CC2D1A: variants seen among roughly 807,000 people sequenced by gnomAD.
CC2D1A encodes coiled-coil and C2 domain containing 1A.
Under a neutral mutation model 123.8 loss-of-function variants are expected in CC2D1A, and 68 were observed. That is an observed-to-expected ratio of 0.55 (90% CI 0.45 to 0.67). The LOEUF (loss-of-function observed/expected upper bound fraction) is 0.67. CC2D1A is among the 30% of genes least tolerant of loss of function. CC2D1A has a pLI of 0.00. For synonymous variants in CC2D1A, 477 were observed against 528.0 expected, an observed-to-expected ratio of 0.90 and a Z score of 1.32; for missense variants, 1,185 against 1,290.3, an observed-to-expected ratio of 0.92 and a Z score of 1.25.
In CC2D1A at chr19:13,930,396, G is replaced by C. The variant is rs1261020037; in HGVS notation, c.*1G>C. On this transcript the variant is annotated 3_prime_UTR_variant, in exon 29 of 29. Transcript: ENST00000318003. This position sits in a 1 kb window ranked among gnomAD's most constrained non-coding sequence, Gnocchi z 6.8. Reference sequence around the variant, plus strand: ...CCAGCTGCAGCGGCTCCGCAGGTGAGGAGCCCATGGGGCGGGCAGCCCCCA... The same window carrying C: ...CCAGCTGCAGCGGCTCCGCAGGTGACGAGCCCATGGGGCGGGCAGCCCCCA... The C allele has an allele frequency of 6.2e-7, 1 of 1,609,684 alleles. No individual in the cohort carries two copies. The highest frequency in any genetic ancestry group is 1.7e-5 in the Admixed American group (1 of 59,480).
At position 13,913,193 on chromosome 19, in the gene CC2D1A, G is replaced by A. The variant is rs752762778; in HGVS notation, c.404G>A (p.Gly135Glu). Residue 135 changes from glycine (G) to glutamate (E), a missense_variant, in exon 5 of 29, where the codon GGG becomes GAG. Physicochemically the swap from Gly to Glu is moderately conservative, Grantham distance 98. Transcript: ENST00000318003. ...CCGAAGCCTGAGGCCCCTCATCCGG[G>A]GCTGGAGACCACCTTGCAGGAGAGG... ...AQPKPEAPHP[G>E]LETTLQERLA... The A allele has an allele frequency of 1.2e-6, 2 of 1,612,952 alleles. No individual in the cohort carries two copies. The highest frequency in any genetic ancestry group is 1.7e-6 in the Non-Finnish European group (2 of 1,179,618).
intron 26 of CC2D1A, 53 bp downstream of exon 26, chr19:13,929,713 G>A (rs1441592318): frequency 1.5e-5 from 18 of 1,212,726 alleles, no homozygotes; most frequent in Non-Finnish European, 1.9e-5. Flanking sequence ...GGATAGGCAT[G>A]GGGGGGGAGG....
At chr19:13,916,605 G>A (rs1244948148) in intron 6 of CC2D1A, among the ~76,000 whole-genome samples, 4 of 152,048 alleles carry the variant, frequency 2.6e-5, no homozygotes, top group Non-Finnish European at 2.9e-5. Flanking sequence ...TTTACGTTTT[G>A]CTCAATTACA....
intron 6 of CC2D1A, 62 bp from the exon 7 acceptor site, chr19:13,918,008 G>A (rs763623146): frequency 2.5e-5 from 39 of 1,557,528 alleles, no homozygotes; most frequent in Middle Eastern, 2.1e-4. Context: ...AATAACAAAT[G>A]GTTTACACGG....
chr19:13,908,450 C>T (rs912437207), intron 1 of CC2D1A, among the ~76,000 whole-genome samples: 6 of 151,696 alleles, frequency 4.0e-5, no homozygotes, highest in South Asian at 2.1e-4. Flanking sequence ...CTGGCCCTGT[C>T]GTCAGGGCTT....
rs2145338261 is a variant in CC2D1A at position 13,920,632 on chromosome 19, A to G, written c.1432A>G (p.Thr478Ala). Residue 478 changes from threonine to alanine, a missense_variant, in exon 13 of 29, where the codon ACA (threonine) becomes GCA (alanine). Thr to Ala is a moderately conservative substitution (Grantham distance 58). Transcript: ENST00000318003. The part of the protein sequence containing the change: ...SRTPQSGSAP[T>A]AKAPPKATST... ...AACTCCCCAGTCGGGATCAGCCCCA[A>G]CAGCCAAAGCGCCCCCCAAAGCCAC... The G allele has an allele frequency of 6.2e-7, 1 of 1,611,176 alleles. No homozygotes were observed. The highest frequency in any genetic ancestry group is 8.5e-7 in the Non-Finnish European group (1 of 1,178,702).
At chr19:13,920,422 A>T in intron 12 of CC2D1A, 135 bp from the exon 13 acceptor site, 1 of 659,728 alleles carries the variant, frequency 1.5e-6, no homozygotes, top group Non-Finnish European at 2.7e-6. Flanking sequence ...AGGGGCTTTG[A>T]GTGAGGCAGG....
chr19:13,926,393 C>A, intron 17 of CC2D1A, 124 bp from the exon 18 acceptor site: 1 of 752,764 alleles, frequency 1.3e-6, no homozygotes, highest in East Asian at 2.7e-5. Flanking sequence ...AGCTGAGACA[C>A]CCCCGAAGGC....
chr19:13,919,033 C>G lies in CC2D1A; in HGVS notation c.1140C>G (p.Arg380=), dbSNP rs779831737. ...GDQRKARMHE[R]IVKQYQDAIR... ...AGCGGAAAGCTCGAATGCACGAGCG[C>G]ATCGTCAAGGTGCCCTGGGGGTTCC... Residue 380 remains arginine (R), a synonymous_variant, in exon 10 of 29, where the codon CGC becomes CGG. Coordinates refer to ENST00000318003, the MANE Select transcript of CC2D1A (RefSeq NM_017721.5). 6.2e-7 allele frequency: 1 copy of G among 1,607,410 alleles called. No individual in the cohort carries two copies. The highest frequency in any genetic ancestry group is 1.7e-5 in the Admixed American group (1 of 59,290).
chr19:13,925,933 A>T (rs796404250), intron 17 of CC2D1A, among the ~76,000 whole-genome samples: 1,589 of 90,808 alleles, frequency 0.017, 55 homozygotes, highest in African/African-American at 0.05. Context: ...AAAAAAAAAA[A>T]ATATATATAT....
At chr19:13,913,877 A>C (rs568242249) in intron 6 of CC2D1A, among the ~76,000 whole-genome samples, 11 of 152,166 alleles carry the variant, frequency 7.2e-5, no homozygotes, top group Admixed American at 2.0e-4. Flanking sequence ...TGCCATTAAA[A>C]ATTATTTTAG....
chr19:13,909,138 C>T (rs1970898716), intron 1 of CC2D1A, among the ~76,000 whole-genome samples: 3 of 151,858 alleles, frequency 2.0e-5, no homozygotes, highest in Admixed American at 6.6e-5. Flanking sequence ...TTTGGGAGGC[C>T]GAGGCGGGCA....
chr19:13,930,361 C>T lies in CC2D1A; in HGVS notation c.2836-14C>T. 1.9e-6 allele frequency: 3 copies of T among 1,613,522 alleles called. No individual in the cohort carries two copies. The highest frequency in any genetic ancestry group is 2.5e-6 in the Non-Finnish European group (3 of 1,179,626). On this transcript the variant is annotated splice_polypyrimidine_tract_variant and intron_variant, in intron 28 of 28. Transcript: ENST00000318003. This position sits in a 1 kb window ranked among gnomAD's most constrained non-coding sequence, Gnocchi z 6.8. ...AGCCCACCTCCATGACCCCAGTGGC[C>T]TCCTCTCCCCCAGCTGCAGCGGCTC...
At chr19:13,914,291 T>C (rs1259127282) in intron 6 of CC2D1A, among the ~76,000 whole-genome samples, 1 of 151,012 alleles carries the variant, frequency 6.6e-6, no homozygotes, top group Non-Finnish European at 1.5e-5. Flanking sequence ...TTCCCTCACC[T>C]TCACCAGTAG....
At chr19:13,916,047 G>C (rs984848981) in intron 6 of CC2D1A, among the ~76,000 whole-genome samples, 4 of 152,102 alleles carry the variant, frequency 2.6e-5, no homozygotes, top group Admixed American at 2.6e-4. Context: ...CTTGAGGCCA[G>C]GAGTTCAAGA....
intron 4 of CC2D1A, 36 bp from the exon 5 acceptor site, chr19:13,913,132 G>A (rs1971061748): frequency 6.4e-7 from 1 of 1,554,442 alleles, no homozygotes; most frequent in Non-Finnish European, 8.7e-7. Context: ...TCCCAAGTGG[G>A]GTCACCACCC....
chr19:13,913,675 G>A (rs1455193080), intron 6 of CC2D1A, 37 bp downstream of exon 6: 13 of 1,483,790 alleles, frequency 8.8e-6, no homozygotes, highest in Middle Eastern at 4.3e-4. Context: ...TATGGGATCC[G>A]AGTGGGCCAT....
Position 13,927,132 on chromosome 19 carries a change from C to T in CC2D1A, c.2226-43C>T, listed in dbSNP as rs766074960. On this transcript the variant is annotated intron_variant, in intron 21 of 28. Transcript: ENST00000318003. The stretch of plus-strand genomic sequence containing the variant: ...TGGGCTCCAGGGGAGGGGAGCTCCT[C>T]TGAACCAACCATCCTGTCCCCACTA... 2.5e-5 allele frequency: 40 copies of T among 1,611,528 alleles called. 1 individual carries two copies. The South Asian group carries it at 4.2e-4, about 17-fold the overall frequency.
Position 13,913,263 on chromosome 19 carries a change from A to G in CC2D1A, c.474A>G (p.Gly158=), listed in dbSNP as rs563866331. ...CAATTGAAAGCGCCAGACAAGCTGG[A>G]GACAGCGCCAAGATGCGGCGCTACG... ...QTAIESARQA[G]DSAKMRRYDR... The change falls in exon 5 of 29, where the codon GGA becomes GGG. Residue 158 remains glycine, a synonymous_variant. Coordinates refer to ENST00000318003, the MANE Select transcript of CC2D1A (RefSeq NM_017721.5). 3.1e-6 allele frequency: 5 copies of G among 1,613,748 alleles called. No homozygotes were observed. The East Asian group carries it at 8.9e-5, about 29-fold the overall frequency.
Sources: allele counts gnomAD v4.1 joint callset (sites outside exome capture counted in the v4.1 genomes callset), GRCh38; gene constraint gnomAD v4.1.1; non-coding constraint Gnocchi (gnomAD v3.1); transcripts MANE v1.5; gene names NCBI Gene and HGNC (gene_info 2026-07-23, HGNC 2026-07-21).